BOC: variants seen among roughly 807,000 people sequenced by gnomAD.
BOC encodes BOC cell adhesion associated, oncogene regulated.
A neutral mutation model predicts 112.0 loss-of-function variants in BOC; 76 were observed. That is an observed-to-expected ratio of 0.68 (90% confidence interval 0.56 to 0.82). The LOEUF (loss-of-function observed/expected upper bound fraction) is 0.82. BOC is among the 40% of genes least tolerant of loss of function. The pLI is 0.00. For synonymous variants in BOC, 580 were observed against 599.8 expected, an observed-to-expected ratio of 0.97 and a Z score of 0.48; for missense variants, 1,309 against 1,511.7, an observed-to-expected ratio of 0.87 and a Z score of 2.22.
intron 4 of BOC, among the ~76,000 whole-genome samples, chr3:113,265,440 A>G (rs2107594439): frequency 6.6e-6 from 1 of 152,112 alleles, no homozygotes; most frequent in South Asian, 2.1e-4. Context: ...CGCCTGAGGA[A>G]TTTTCCAGAT....
intron 2 of BOC, among the ~76,000 whole-genome samples, chr3:113,249,499 C>A (rs1228718888): frequency 6.6e-6 from 1 of 152,224 alleles, no homozygotes; most frequent in African/African-American, 2.4e-5. Context: ...AATAAAATCA[C>A]CTTCTAGCTA....
chr3:113,279,342 T>A lies in BOC; in HGVS notation c.1910T>A (p.Ile637Asn), dbSNP rs1412172628. The A allele has an allele frequency of 3.1e-6, 5 of 1,614,090 alleles. No homozygotes were observed. The highest frequency in any genetic ancestry group is 4.2e-6 in the Non-Finnish European group (5 of 1,180,010). ...CCCCGTGGGAATGGTGGGTTCCCAA[T>A]CCAGTCCTTCCGTGTGGAGTACAAG... ...WIPRGNGGFP[I>N]QSFRVEYKKL... Residue 637 changes from isoleucine (I) to asparagine (N), a missense_variant, in exon 12 of 20, where the codon ATC (isoleucine) becomes AAC (asparagine). Physicochemically the swap from Ile to Asn is moderately radical, Grantham distance 149 (BLOSUM62 -3). Transcript: ENST00000682979.
At chr3:113,263,077 C>T (rs1559857280) in intron 4 of BOC, among the ~76,000 whole-genome samples, 3 of 152,340 alleles carry the variant, frequency 2.0e-5, no homozygotes, top group African/African-American at 7.2e-5. Context: ...GAGCAGAATC[C>T]TTTGTGCCTT....
intron 2 of BOC, among the ~76,000 whole-genome samples, chr3:113,241,156 G>A (rs569703532): frequency 1.3e-5 from 2 of 152,354 alleles, no homozygotes; most frequent in African/African-American, 4.8e-5. Flanking sequence ...GAAGGTAGAT[G>A]TCACTGGCCT....
chr3:113,251,070 G>A (rs562929578), intron 4 of BOC: 9 of 615,618 alleles, frequency 1.5e-5, no homozygotes, highest in Admixed American at 5.8e-5. Context: ...TCTACAGAGA[G>A]GGGAATTGGT....
At chr3:113,213,240 C>T (rs1415529233) in intron 1 of BOC, among the ~76,000 whole-genome samples, 1 of 152,214 alleles carries the variant, frequency 6.6e-6, no homozygotes, top group Non-Finnish European at 1.5e-5. Context: ...AGAGTTACCT[C>T]TTTGAGTGGA....
intron 2 of BOC, among the ~76,000 whole-genome samples, chr3:113,220,652 G>A (rs1461221392): frequency 6.6e-6 from 1 of 152,180 alleles, no homozygotes; most frequent in African/African-American, 2.4e-5. Flanking sequence ...GGATTCATCT[G>A]CTTCTGTGGT....
intron 2 of BOC, among the ~76,000 whole-genome samples, chr3:113,232,947 A>G (rs1375335463): frequency 6.6e-6 from 1 of 152,122 alleles, no homozygotes; most frequent in Admixed American, 6.6e-5. Context: ...AGTTCGGGGT[A>G]AGGGTTTCTT....
chr3:113,256,923 T>C (rs1052637197), intron 4 of BOC, among the ~76,000 whole-genome samples: 27 of 152,234 alleles, frequency 1.8e-4, no homozygotes, highest in Non-Finnish European at 3.2e-4. Flanking sequence ...AGGCATATTT[T>C]CTGTGTTGTG....
At position 113,278,721 on chromosome 3, in the gene BOC, A is replaced by C; in HGVS notation, c.1754A>C (p.Gln585Pro). 6.4e-7 allele frequency: 1 copy of C among 1,569,708 alleles called. No homozygotes were observed. ...EIMASKEQQI[Q>P]RDDPGASPQS... ...ATGGCCAGCAAAGAGCAGCAGATCC[A>C]GAGAGACGACCCTGGAGCCAGTCCC... The change falls in exon 11 of 20, where the codon CAG (glutamine) becomes CCG (proline). Residue 585 changes from glutamine to proline, a missense_variant. Transcript: ENST00000682979. The surrounding 1 kb of genome is among the most constrained non-coding windows in gnomAD (Gnocchi z 4.2).
chr3:113,262,892 C>T (rs906819711), intron 4 of BOC, among the ~76,000 whole-genome samples: 1 of 152,236 alleles, frequency 6.6e-6, no homozygotes, highest in South Asian at 2.1e-4. Context: ...TGTCAGGGAC[C>T]CTTTGTCTTC....
intron 15 of BOC, among the ~76,000 whole-genome samples, 187 bp downstream of exon 15, chr3:113,281,340 T>C (rs1949182456): frequency 6.6e-6 from 1 of 152,220 alleles, no homozygotes; most frequent in Non-Finnish European, 1.5e-5. Flanking sequence ...AAATAGACCA[T>C]GATGACACCT....
At chr3:113,213,946 T>C (rs1938785598) in intron 1 of BOC, among the ~76,000 whole-genome samples, 1 of 152,192 alleles carries the variant, frequency 6.6e-6, no homozygotes, top group African/African-American at 2.4e-5. Flanking sequence ...TGTCTACACA[T>C]TTATGAAGCC....
At chr3:113,252,403 G>A (rs1559844075) in intron 4 of BOC, among the ~76,000 whole-genome samples, 1 of 152,172 alleles carries the variant, frequency 6.6e-6, no homozygotes, top group Non-Finnish European at 1.5e-5. Flanking sequence ...GCTTCCAGGA[G>A]GTTGGCGGTG....
At chr3:113,220,000 A>G (rs2107607754) in intron 2 of BOC, among the ~76,000 whole-genome samples, 1 of 151,682 alleles carries the variant, frequency 6.6e-6, no homozygotes, top group African/African-American at 2.4e-5. Context: ...TGCAAGTCTG[A>G]TCAAGCAGGT....
At chr3:113,255,500 T>C (rs1229164227) in intron 4 of BOC, among the ~76,000 whole-genome samples, 1 of 152,250 alleles carries the variant, frequency 6.6e-6, no homozygotes, top group East Asian at 1.9e-4. Context: ...GATAATTTTA[T>C]TCTCCCAATT....
chr3:113,236,282 G>GTATA (rs71706132), intron 2 of BOC, among the ~76,000 whole-genome samples: 8 of 64,532 alleles, frequency 1.2e-4, no homozygotes, highest in South Asian at 5.4e-4. Context: ...ATACCCATGG[G>GTATA]TATATATATA....
Position 113,284,352 on chromosome 3 carries a change from G to A in BOC, c.2674G>A (p.Gly892Ser), listed in dbSNP as rs767086270. 8 of 1,613,964 alleles carry A rather than the reference G, an allele frequency of 5.0e-6. No individual in the cohort carries two copies. The highest frequency in any genetic ancestry group is 6.8e-6 in the Non-Finnish European group (8 of 1,179,962). The change falls in exon 17 of 20, where the codon GGT (glycine) becomes AGT (serine). Residue 892 changes from glycine to serine, a missense_variant. By Grantham distance (56) the Gly-to-Ser change is moderately conservative (BLOSUM62 0). Transcript: ENST00000682979. The part of the protein sequence containing the change: ...WSKQKHTTDL[G>S]FPRSALPPSC... ...CCTTCCAGAACATACAACAGACCTG[G>A]GTTTTCCTCGAAGTGCCCTTCCACC...
chr3:113,249,724 T>G lies in BOC; in HGVS notation c.-79T>G, dbSNP rs1945369867. 8.4e-7 allele frequency: 1 copy of G among 1,190,454 alleles called. No homozygotes were observed. Among genetic ancestry groups the G allele is most frequent in the African/African-American group, 1.5e-5 (1 of 65,040 alleles). 73.7% of individuals were successfully genotyped at this position (1,190,454 alleles called of 1,614,324 possible). ...TCTCCCTTTCTCTCTTACAACAGAG[T>G]GTTGCCAGGGACGGCAGTATCTCTT... On this transcript the variant is annotated splice_region_variant and 5_prime_UTR_variant, in exon 3 of 20. Coordinates refer to ENST00000682979, the MANE Select transcript of BOC (RefSeq NM_001378074.1).
Sources: gnomAD v4.1 joint callset for allele counts (sites outside exome capture counted in the v4.1 genomes callset) on GRCh38, gnomAD v4.1.1 for gene constraint, Gnocchi (gnomAD v3.1) non-coding constraint, MANE v1.5 for transcripts, NCBI Gene and HGNC (gene_info 2026-07-23, HGNC 2026-07-21) for gene names.